Variants in BCAS3 observed in about 807,000 individuals in gnomAD.
The protein encoded by BCAS3 is BCAS4/BCAS3 fusion.
In BCAS3, 53 loss-of-function variants were observed where a neutral mutation model predicts 116.1. The observed-to-expected ratio is 0.46, with a 90% CI of 0.37 to 0.57. The LOEUF (loss-of-function observed/expected upper bound fraction) is 0.57. Among genes scored for constraint, BCAS3 ranks in the 20% least tolerant of loss-of-function variants. The pLI, the probability that BCAS3 is intolerant of heterozygous loss-of-function variation, is 0.00. For synonymous variants in BCAS3, 391 were observed against 408.2 expected (o/e 0.96, Z 0.51); for missense variants, 917 against 1,165.4 (o/e 0.79, Z 3.10).
At position 61,219,912 on chromosome 17, in the gene BCAS3, G is replaced by T. The variant is rs2082012398; in HGVS notation, c.2425+135348G>T. ...GGAAAAACAAGGCAGGTTATGGGGGGAGAGGAGTAGGGCAAGAAAGAGGGT... is the reference window on the plus strand; with the variant it reads ...GGAAAAACAAGGCAGGTTATGGGGGTAGAGGAGTAGGGCAAGAAAGAGGGT... On this transcript the variant is annotated intron_variant, in intron 22 of 23. Coordinates refer to ENST00000407086, the MANE Select transcript of BCAS3 (RefSeq NM_017679.5). The surrounding 1 kb of genome is among the most constrained non-coding windows in gnomAD (Gnocchi z 5.2). Among the ~76,000 whole-genome samples the T allele has an allele frequency of 1.3e-5, 2 of 152,276 alleles. No individual in the cohort carries two copies. Among genetic ancestry groups the T allele is most frequent in the Admixed American group, 1.3e-4 (2 of 15,294 alleles).
chr17:60,923,143 G>A (rs1406566401), intron 12 of BCAS3, among the ~76,000 whole-genome samples: 1 of 152,150 alleles, frequency 6.6e-6, no homozygotes, highest in Admixed American at 6.5e-5. Flanking sequence ...TCTAAAATTG[G>A]TTATTTGAAA....
intron 11 of BCAS3, among the ~76,000 whole-genome samples, chr17:60,908,553 TAC>T (rs1762557486): frequency 6.6e-6 from 1 of 152,208 alleles, no homozygotes; most frequent in Admixed American, 6.5e-5. Context: ...TTGACATCAA[TAC>T]ACTGTGGCGC....
intron 22 of BCAS3, among the ~76,000 whole-genome samples, chr17:61,272,328 G>C (rs950649584): frequency 1.3e-4 from 20 of 152,168 alleles, no homozygotes; most frequent in Middle Eastern, 6.8e-3. Context: ...GTGTTTGTGA[G>C]TGTTTAAAAA....
At position 61,356,141 on chromosome 17, in the gene BCAS3, C is replaced by A. The variant is rs2058125065; in HGVS notation, c.2426-12186C>A. 6.6e-6 allele frequency among the ~76,000 whole-genome samples: 1 copy of A among 152,080 alleles called. No homozygotes were observed. The highest frequency in any genetic ancestry group is 2.1e-4 in the South Asian group (1 of 4,808). On this transcript the variant is annotated intron_variant, in intron 22 of 23. Coordinates refer to ENST00000407086, the MANE Select transcript of BCAS3 (RefSeq NM_017679.5). This position sits in a 1 kb window ranked among gnomAD's most constrained non-coding sequence, Gnocchi z 5.4. ...TCCCGAGTAGCTGGGATTACAGGCG[C>A]CTGCCATCATGCCCGGCTGATTTTT... is the stretch of plus-strand genomic sequence containing the variant.
At position 61,088,493 on chromosome 17, in the gene BCAS3, A is replaced by G. The variant is rs530900319; in HGVS notation, c.2425+3929A>G. 3.9e-5 allele frequency among the ~76,000 whole-genome samples: 6 copies of G among 152,320 alleles called. No homozygotes were observed. The highest frequency in any genetic ancestry group is 4.1e-4 in the South Asian group (2 of 4,830). ...GCTAGATAGCTAAGAATTTCTTTCT[A>G]TTCTTTGTACCTTATAACCTGTGCC... On this transcript the variant is annotated intron_variant, in intron 22 of 23. Coordinates refer to ENST00000407086, the MANE Select transcript of BCAS3 (RefSeq NM_017679.5). The surrounding 1 kb of genome is among the most constrained non-coding windows in gnomAD (Gnocchi z 4.2).
intron 6 of BCAS3, among the ~76,000 whole-genome samples, chr17:60,771,385 A>T (rs2044691108): frequency 6.6e-6 from 1 of 152,040 alleles, no homozygotes; most frequent in Non-Finnish European, 1.5e-5. Flanking sequence ...ACATTACTAC[A>T]TTTTAATTTT....
chr17:60,870,731 T>C (rs1483324675), intron 8 of BCAS3, among the ~76,000 whole-genome samples: 1 of 152,174 alleles, frequency 6.6e-6, no homozygotes, highest in East Asian at 1.9e-4. Context: ...GACATGTGAC[T>C]TATAAAGGTT....
In BCAS3 at chr17:61,388,888, C is replaced by T. The variant is rs1218816605; in HGVS notation, c.2594-3089C>T. On this transcript the variant is annotated intron_variant, in intron 23 of 23. Transcript: ENST00000407086. This position sits in a 1 kb window ranked among gnomAD's most constrained non-coding sequence, Gnocchi z 6.5. ...GAGAAAAGCGCCCACAAAGCTGCCC[C>T]GGGGCCAGCAGGCCCCCGATTCTTT... The T allele has an allele frequency of 2.2e-5, 13 of 602,628 alleles. No individual in the cohort carries two copies. Among genetic ancestry groups the T allele is most frequent in the Non-Finnish European group, 3.7e-5 (13 of 350,558 alleles). The allele number at this position is 602,628 out of a possible 1,614,324, so 37.3% of individuals were successfully genotyped here.
intron 22 of BCAS3, among the ~76,000 whole-genome samples, chr17:61,336,157 A>G (rs2056705957): frequency 6.6e-6 from 1 of 152,222 alleles, no homozygotes; most frequent in Non-Finnish European, 1.5e-5. Context: ...TCAGCCTTTT[A>G]CTATTTACCT....
In BCAS3 at chr17:61,222,152, A is replaced by G. The variant is rs570183441; in HGVS notation, c.2425+137588A>G. On this transcript the variant is annotated intron_variant, in intron 22 of 23. Coordinates refer to ENST00000407086, the MANE Select transcript of BCAS3 (RefSeq NM_017679.5). This position sits in a 1 kb window ranked among gnomAD's most constrained non-coding sequence, Gnocchi z 6.1. ...CGACATAGATACAAATATAGAGAAC[A>G]TATAGTGGCAGAATAAATAAGCCAA... Among the ~76,000 whole-genome samples, 1 of 152,334 alleles carries G rather than the reference A, an allele frequency of 6.6e-6. No homozygotes were observed. The highest frequency in any genetic ancestry group is 1.5e-5 in the Non-Finnish European group (1 of 68,032).
At chr17:61,133,946 C>T (rs1178412842) in intron 22 of BCAS3, among the ~76,000 whole-genome samples, 1 of 143,888 alleles carries the variant, frequency 6.9e-6, no homozygotes, top group Non-Finnish European at 1.5e-5. Context: ...ATTTTGCAAA[C>T]ATACTTAGCA....
Position 61,258,152 on chromosome 17 carries a change from A to G in BCAS3, c.2426-110175A>G, listed in dbSNP as rs1017086393. Among the ~76,000 whole-genome samples the G allele has an allele frequency of 2.0e-5, 3 of 152,200 alleles. No individual in the cohort carries two copies. The highest frequency in any genetic ancestry group is 4.8e-5 in the African/African-American group (2 of 41,448). ...TAGAGAAAATAGCGCTCTTCCTTGC[A>G]ACCTTTCTGATTATTCCAGTCAAAA... On this transcript the variant is annotated intron_variant, in intron 22 of 23. Coordinates refer to ENST00000407086, the MANE Select transcript of BCAS3 (RefSeq NM_017679.5). The surrounding 1 kb of genome is among the most constrained non-coding windows in gnomAD (Gnocchi z 4.7).
Position 61,208,056 on chromosome 17 carries a change from C to G in BCAS3, c.2425+123492C>G. The stretch of plus-strand genomic sequence containing the variant: ...TTAGGAGATAATGTTGATCACATAC[C>G]CTTTTTTATTATATCTTAGTAACTT... On this transcript the variant is annotated intron_variant, in intron 22 of 23. Transcript: ENST00000407086. The surrounding 1 kb of genome is among the most constrained non-coding windows in gnomAD (Gnocchi z 4.5). 6.6e-6 allele frequency among the ~76,000 whole-genome samples: 1 copy of G among 151,880 alleles called. No homozygotes were observed. Among genetic ancestry groups the G allele is most frequent in the East Asian group, 1.9e-4 (1 of 5,186 alleles).
intron 22 of BCAS3, among the ~76,000 whole-genome samples, chr17:61,201,605 C>T (rs1236198790): frequency 1.3e-5 from 2 of 152,084 alleles, no homozygotes; most frequent in Admixed American, 6.5e-5. Context: ...GAAGCCCTAG[C>T]GAGTTTGCTC....
Position 61,248,724 on chromosome 17 carries a change from A to AC in BCAS3, c.2426-119601dup, listed in dbSNP as rs142874337. ...TTTTAAGGCCCCTAACACAAATGAT[A>AC]CCAGGACTTCTTTGAATATTCTATT... On this transcript the variant is annotated intron_variant, in intron 22 of 23. Coordinates refer to ENST00000407086, the MANE Select transcript of BCAS3 (RefSeq NM_017679.5). This position sits in a 1 kb window ranked among gnomAD's most constrained non-coding sequence, Gnocchi z 4.3. Among the ~76,000 whole-genome samples the AC allele has an allele frequency of 0.014, 2,173 of 152,324 alleles. 36 individuals are homozygous for AC. Among genetic ancestry groups the AC allele is most frequent in the African/African-American group, 0.049 (2,030 of 41,566 alleles).
chr17:61,150,476 C>T (rs1317944564), intron 22 of BCAS3, among the ~76,000 whole-genome samples: 1 of 152,174 alleles, frequency 6.6e-6, no homozygotes, highest in Non-Finnish European at 1.5e-5. Context: ...CACCCACGTG[C>T]ACTGAAAAGT....
intron 22 of BCAS3, among the ~76,000 whole-genome samples, chr17:61,093,197 C>T (rs2073738960): frequency 6.6e-6 from 1 of 152,128 alleles, no homozygotes; most frequent in Non-Finnish European, 1.5e-5. Flanking sequence ...TATAAGCCAC[C>T]ATGCCCAGCC....
At chr17:61,055,492 T>A (rs2069281858) in intron 19 of BCAS3, among the ~76,000 whole-genome samples, 1 of 152,192 alleles carries the variant, frequency 6.6e-6, no homozygotes, top group South Asian at 2.1e-4. Context: ...TCTTTGTCCA[T>A]ACTCAGAGCA....
chr17:60,958,345 GATTTT>G (rs893040421), intron 14 of BCAS3, among the ~76,000 whole-genome samples: 17 of 152,028 alleles, frequency 1.1e-4, no homozygotes, highest in East Asian at 3.8e-4. Flanking sequence ...AAAACTAAAG[GATTTT>G]ATTTTATTTT....
Sources: gnomAD v4.1 joint callset for allele counts (sites outside exome capture counted in the v4.1 genomes callset) on GRCh38, gnomAD v4.1.1 for gene constraint, Gnocchi (gnomAD v3.1) non-coding constraint, MANE v1.5 for transcripts, NCBI Gene and HGNC (gene_info 2026-07-23, HGNC 2026-07-21) for gene names.